The following ITK variants were observed in gnomAD, a reference collection of about 807,000 sequenced individuals.
ITK encodes the protein IL2 inducible T cell kinase, also known as tyrosine-protein kinase ITK/TSK.
ITK carries 45 observed loss-of-function variants against 87.6 expected under a neutral mutation model. That is an observed-to-expected ratio of 0.51 (90% confidence interval 0.40 to 0.66). The LOEUF (loss-of-function observed/expected upper bound fraction) is 0.66. Among genes scored for constraint, ITK ranks in the 30% least tolerant of loss-of-function variants. ITK has a pLI of 0.00. For synonymous variants in ITK, 303 were observed against 273.6 expected (o/e 1.11, Z -1.06); for missense variants, 605 against 766.3 (o/e 0.79, Z 2.48).
chr5:157,246,526 AAC>A (rs1399471970), intron 15 of ITK, among the ~76,000 whole-genome samples: 1 of 152,196 alleles, frequency 6.6e-6, no homozygotes. Context: ...AGATCATAAT[AAC>A]AGTCATAAAC....
chr5:157,208,969 A>C lies in ITK; in HGVS notation c.219A>C (p.Pro73=), dbSNP rs768575926. The C allele has an allele frequency of 1.9e-6, 3 of 1,613,424 alleles. No homozygotes were observed. The highest frequency in any genetic ancestry group is 4.5e-5 in the East Asian group (2 of 44,878). The change falls in exon 2 of 17, where the codon CCA becomes CCC. Residue 73 remains proline (P), a synonymous_variant. Transcript: ENST00000422843. ...TTGTGAAAAGTGACATCAGCATCCC[A>C]TGCCACTATAAATACCCGTTTCAGG... ...VEIVKSDISI[P]CHYKYPFQVV...
chr5:157,236,755 A>G (rs1375564575), intron 8 of ITK, among the ~76,000 whole-genome samples: 2 of 152,138 alleles, frequency 1.3e-5, no homozygotes, highest in Admixed American at 6.5e-5. Context: ...ATAAAATGGT[A>G]TGTCCATTTA....
intron 3 of ITK, chr5:157,213,715 T>G (rs1754239717): frequency 2.9e-6 from 1 of 349,118 alleles, no homozygotes; most frequent in Non-Finnish European, 5.6e-6. Context: ...TTTGTTTCAG[T>G]AGCAGACCCC....
chr5:157,227,894 G>A (rs532556855), intron 6 of ITK, among the ~76,000 whole-genome samples: 44 of 130,282 alleles, frequency 3.4e-4, no homozygotes, highest in Non-Finnish European at 5.6e-4. Context: ...GCAGTGGCAC[G>A]ATCTCGGCTC....
chr5:157,185,501 A>C (rs1442150683), intron 1 of ITK, among the ~76,000 whole-genome samples: 1 of 151,966 alleles, frequency 6.6e-6, no homozygotes, highest in Admixed American at 6.6e-5. Flanking sequence ...CGGCCTCCCA[A>C]AGTGCTGGGA....
At chr5:157,182,270 A>G (rs1753548404) in intron 1 of ITK, among the ~76,000 whole-genome samples, 1 of 152,116 alleles carries the variant, frequency 6.6e-6, no homozygotes, top group African/African-American at 2.4e-5. Flanking sequence ...TTGGAGTCTG[A>G]CTTAGTAGGT....
At chr5:157,240,536 T>G (rs1754870184) in intron 10 of ITK, 6 of 367,284 alleles carry the variant, frequency 1.6e-5, no homozygotes, top group South Asian at 1.6e-4. Flanking sequence ...TGGGTTAGAC[T>G]TTTTTGAATT....
chr5:157,230,257 G>T (rs555969358), intron 7 of ITK, among the ~76,000 whole-genome samples: 2 of 152,192 alleles, frequency 1.3e-5, no homozygotes, highest in South Asian at 4.1e-4. Context: ...TAAAATATCA[G>T]CAATTGGCTC....
chr5:157,186,817 A>G lies in ITK; in HGVS notation c.138+5702A>G, dbSNP rs111852782. Among the ~76,000 whole-genome samples, 379 of 151,938 alleles carry G rather than the reference A, an allele frequency of 2.5e-3. 2 individuals carry two copies. The highest frequency in any genetic ancestry group is 8.5e-3 in the African/African-American group (351 of 41,394). ...ATATCTATCACCTGGGACTGCTACC[A>G]CCTCTCATGTTGTCCCTGCACCCGC... On this transcript the variant is annotated intron_variant, in intron 1 of 16. Transcript: ENST00000422843.
chr5:157,221,898 C>T (rs1254901451), intron 5 of ITK, among the ~76,000 whole-genome samples: 2 of 152,096 alleles, frequency 1.3e-5, no homozygotes, highest in East Asian at 3.9e-4. Context: ...TTCCTGTACT[C>T]CCAGCACTTT....
intron 3 of ITK, 47 bp from the exon 4 acceptor site, chr5:157,214,144 T>C: frequency 6.3e-7 from 1 of 1,574,858 alleles, no homozygotes; most frequent in East Asian, 2.2e-5. Flanking sequence ...TAGCCCTTGA[T>C]AGACTGACCT....
intron 1 of ITK, among the ~76,000 whole-genome samples, chr5:157,200,025 G>T (rs987348265): frequency 6.6e-6 from 1 of 151,340 alleles, no homozygotes; most frequent in African/African-American, 2.4e-5. Flanking sequence ...TCTATTGAAA[G>T]TCAGCCCTTA....
chr5:157,223,064 C>A (rs1472211049), intron 6 of ITK, 50 bp downstream of exon 6: 1 of 1,603,386 alleles, frequency 6.2e-7, no homozygotes, highest in Admixed American at 1.7e-5. Flanking sequence ...GTGGTGCGAA[C>A]AAATAAAATA....
At chr5:157,241,769 G>T in intron 11 of ITK, 49 bp downstream of exon 11, 1 of 1,417,188 alleles carries the variant, frequency 7.1e-7, no homozygotes, top group Non-Finnish European at 1.0e-6. Flanking sequence ...AAGGTCTGGG[G>T]CAAATTCTGA....
At position 157,243,813 on chromosome 5, in the gene ITK, G is replaced by A. The variant is rs17595865; in HGVS notation, c.1232+19G>A. The stretch of plus-strand genomic sequence containing the variant: ...TAATGATGTGAGTGCTCAGAACAAG[G>A]ATATGCAGAAACTCTGGGGGGAACA... On this transcript the variant is annotated intron_variant, in intron 12 of 16. Coordinates refer to ENST00000422843, the MANE Select transcript of ITK (RefSeq NM_005546.4). The A allele has an allele frequency of 0.063, 101,017 of 1,610,264 alleles. 3,552 individuals carry two copies. Among genetic ancestry groups the A allele is most frequent in the Middle Eastern group, 0.085 (513 of 6,038 alleles).
chr5:157,183,194 T>G (rs1272858300), intron 1 of ITK, among the ~76,000 whole-genome samples: 3 of 152,150 alleles, frequency 2.0e-5, no homozygotes, highest in Non-Finnish European at 4.4e-5. Context: ...GTAATATATG[T>G]GAATTATTAT....
intron 2 of ITK, among the ~76,000 whole-genome samples, chr5:157,210,130 TG>T: frequency 6.6e-6 from 1 of 152,280 alleles, no homozygotes; most frequent in South Asian, 2.1e-4. Context: ...TTCACCATGT[TG>T]GTCAGACTAG....
intron 10 of ITK, chr5:157,241,003 T>A (rs529863943): frequency 6.6e-6 from 1 of 151,350 alleles, no homozygotes; most frequent in South Asian, 2.1e-4. Flanking sequence ...AGTGGCTCAA[T>A]CTTGGCTCAC....
intron 1 of ITK, among the ~76,000 whole-genome samples, chr5:157,187,413 A>G (rs1446713315): frequency 2.0e-5 from 3 of 152,222 alleles, no homozygotes; most frequent in African/African-American, 4.8e-5. Flanking sequence ...AGGAGGGAGT[A>G]AGGACATAAG....
Sources: gnomAD v4.1 joint callset for allele counts (sites outside exome capture counted in the v4.1 genomes callset) on GRCh38, gnomAD v4.1.1 for gene constraint, MANE v1.5 for transcripts, NCBI Gene and HGNC (gene_info 2026-07-23, HGNC 2026-07-21) for gene names.